The following PDSS2 variants were observed in gnomAD, a reference collection of about 807,000 sequenced individuals.
PDSS2 encodes decaprenyl diphosphate synthase subunit 2.
A neutral mutation model predicts 44.5 loss-of-function variants in PDSS2; 31 were observed. The observed-to-expected ratio is 0.70, with a 90% CI of 0.52 to 0.94. PDSS2 has a LOEUF of 0.94. PDSS2 is among the 40% of genes least tolerant of loss of function. The pLI is 0.00. For synonymous variants in PDSS2, 157 were observed against 180.3 expected, an observed-to-expected ratio of 0.87 and a Z score of 1.03; for missense variants, 452 against 482.2, an observed-to-expected ratio of 0.94 and a Z score of 0.59.
intron 4 of PDSS2, among the ~76,000 whole-genome samples, chr6:107,230,434 A>G (rs561494584): frequency 2.2e-4 from 34 of 152,194 alleles, no homozygotes; most frequent in African/African-American, 6.3e-4. Flanking sequence ...CTTGGCCTAG[A>G]CCACCAGTTC....
At chr6:107,294,304 A>C (rs1295433252) in intron 2 of PDSS2, among the ~76,000 whole-genome samples, 1 of 152,156 alleles carries the variant, frequency 6.6e-6, no homozygotes, top group Admixed American at 6.5e-5. Flanking sequence ...TACCTAATCA[A>C]CCTAGGTATC....
intron 3 of PDSS2, among the ~76,000 whole-genome samples, chr6:107,247,212 A>G (rs998966369): frequency 2.0e-5 from 3 of 152,216 alleles, no homozygotes; most frequent in Admixed American, 2.0e-4. Flanking sequence ...AAGAAATGTT[A>G]TGGTTTTGAA....
At chr6:107,293,746 A>G (rs1776420798) in intron 2 of PDSS2, among the ~76,000 whole-genome samples, 1 of 152,226 alleles carries the variant, frequency 6.6e-6, no homozygotes, top group African/African-American at 2.4e-5. Flanking sequence ...CAAAATCAGC[A>G]TATGAGAAAG....
intron 1 of PDSS2, among the ~76,000 whole-genome samples, chr6:107,365,184 A>G (rs1778925077): frequency 6.6e-6 from 1 of 152,204 alleles, no homozygotes; most frequent in African/African-American, 2.4e-5. Context: ...AGCAAAAATT[A>G]TAATGGACTT....
chr6:107,442,252 A>G (rs1379369074), intron 1 of PDSS2, among the ~76,000 whole-genome samples: 3 of 152,112 alleles, frequency 2.0e-5, no homozygotes, highest in Non-Finnish European at 4.4e-5. Flanking sequence ...CCCTATCTCT[A>G]CTAAAAATAC....
intron 1 of PDSS2, among the ~76,000 whole-genome samples, chr6:107,455,371 T>A (rs1165021414): frequency 1.3e-5 from 2 of 151,736 alleles, no homozygotes; most frequent in Non-Finnish European, 2.9e-5. Context: ...TATGATGGAC[T>A]ACAATACTCA....
chr6:107,210,588 A>G lies in PDSS2; in HGVS notation c.877-18T>C. 6.5e-7 allele frequency: 1 copy of G among 1,532,230 alleles called. No homozygotes were observed. Among genetic ancestry groups the G allele is most frequent in the South Asian group, 1.1e-5 (1 of 89,340 alleles). 94.9% of individuals were successfully genotyped at this position (1,532,230 alleles called of 1,614,324 possible). On this transcript the variant is annotated intron_variant, in intron 5 of 7. Coordinates refer to ENST00000369037, the MANE Select transcript of PDSS2 (RefSeq NM_020381.4). ...GAATTTATCTACAAGAAGCAATTAA[A>G]TGAGTAAATTAGTGAAATGTATATA...
At chr6:107,223,094 G>C (rs1773668875) in intron 4 of PDSS2, among the ~76,000 whole-genome samples, 1 of 151,350 alleles carries the variant, frequency 6.6e-6, no homozygotes, top group Non-Finnish European at 1.5e-5. Flanking sequence ...GATTACAGGT[G>C]TGCGTCACCA....
At chr6:107,288,615 C>T (rs1382469488) in intron 2 of PDSS2, among the ~76,000 whole-genome samples, 2 of 152,030 alleles carry the variant, frequency 1.3e-5, no homozygotes, top group African/African-American at 2.4e-5. Context: ...CCATCTAATA[C>T]AGACAGGAGC....
At chr6:107,395,751 T>C (rs1168210407) in intron 1 of PDSS2, among the ~76,000 whole-genome samples, 1 of 152,230 alleles carries the variant, frequency 6.6e-6, no homozygotes, top group Admixed American at 6.5e-5. Context: ...TTTCTATTAA[T>C]TGGTTTTAAT....
At position 107,459,213 on chromosome 6, in the gene PDSS2, A is replaced by G. The variant is rs1782164199; in HGVS notation, c.73T>C (p.Trp25Arg). The G allele has an allele frequency of 1.2e-6, 2 of 1,613,932 alleles. No individual in the cohort carries two copies. The highest frequency in any genetic ancestry group is 1.3e-5 in the African/African-American group (1 of 74,922). Reference protein sequence around the residue: ...GASGSPRRLWWSPSLDTISSV... With the variant: ...GASGSPRRLWRSPSLDTISSV... ...GAGATGGTGTCGAGGGACGGGGACCACCACAGGCGACGCGGGGAACCCGAG... is the reference window on the plus strand; with the variant it reads ...GAGATGGTGTCGAGGGACGGGGACCGCCACAGGCGACGCGGGGAACCCGAG... Residue 25 changes from tryptophan (W) to arginine (R), a missense_variant, in exon 1 of 8, where the codon TGG becomes CGG. Coordinates refer to ENST00000369037, the MANE Select transcript of PDSS2 (RefSeq NM_020381.4). The surrounding 1 kb of genome is among the most constrained non-coding windows in gnomAD (Gnocchi z 4.3).
chr6:107,433,325 CA>C (rs1781252116), intron 1 of PDSS2, among the ~76,000 whole-genome samples: 1 of 150,406 alleles, frequency 6.6e-6, no homozygotes, highest in Non-Finnish European at 1.5e-5. Context: ...CCATCCTGAC[CA>C]AAAGGACAAA....
chr6:107,196,981 T>C (rs7776031), intron 6 of PDSS2, among the ~76,000 whole-genome samples: 44,141 of 152,070 alleles, frequency 0.29, 6,603 homozygotes, highest in East Asian at 0.5. Context: ...GGAGAGGAAA[T>C]GGAAAACTCC....
Position 107,207,485 on chromosome 6 carries a change from AT to A in PDSS2, c.1008+2953del, listed in dbSNP as rs1303938026. Among the ~76,000 whole-genome samples, 8 of 152,272 alleles carry A rather than the reference AT, an allele frequency of 5.3e-5. No individual in the cohort carries two copies. The South Asian group carries it at 1.2e-3, about 24-fold the overall frequency. On this transcript the variant is annotated intron_variant, in intron 6 of 7. Transcript: ENST00000369037. ...GGGTGGAATGTCTCTCCTAGGTGTT[AT>A]GCAAATTGTGTTCCCTATTTCTGAC...
chr6:107,178,185 C>T (rs369325395), intron 7 of PDSS2, among the ~76,000 whole-genome samples: 1 of 152,084 alleles, frequency 6.6e-6, no homozygotes, highest in African/African-American at 2.4e-5. Context: ...TATAATTTCA[C>T]AAGAAAGCAC....
At chr6:107,429,919 T>A (rs1474763429) in intron 1 of PDSS2, among the ~76,000 whole-genome samples, 2,730 of 107,170 alleles carry the variant, frequency 0.025, 447 homozygotes, top group African/African-American at 0.098. Flanking sequence ...TATATATATA[T>A]ATATATATAT....
chr6:107,455,922 T>C (rs1782027364), intron 1 of PDSS2, among the ~76,000 whole-genome samples: 2 of 151,966 alleles, frequency 1.3e-5, no homozygotes, highest in Admixed American at 6.6e-5. Flanking sequence ...ACAATTACGC[T>C]CTTGTTTTTA....
At chr6:107,247,839 TAAA>T (rs10648723) in intron 3 of PDSS2, among the ~76,000 whole-genome samples, 6 of 88,028 alleles carry the variant, frequency 6.8e-5, no homozygotes, top group East Asian at 3.4e-4. Flanking sequence ...CTGTCTCTAC[TAAA>T]AAAAAAAAAA....
intron 2 of PDSS2, among the ~76,000 whole-genome samples, chr6:107,285,148 T>C (rs1335579987): frequency 2.0e-5 from 3 of 152,210 alleles, no homozygotes; most frequent in Non-Finnish European, 2.9e-5. Context: ...TTTCTAAAAA[T>C]ATTAAAATGA....
Sources: gnomAD v4.1 joint callset for allele counts (sites outside exome capture counted in the v4.1 genomes callset) on GRCh38, gnomAD v4.1.1 for gene constraint, Gnocchi (gnomAD v3.1) non-coding constraint, MANE v1.5 for transcripts, NCBI Gene and HGNC (gene_info 2026-07-23, HGNC 2026-07-21) for gene names.